Variants in ENTPD5 observed in about 807,000 individuals in gnomAD.
ENTPD5 encodes nucleoside diphosphate phosphatase ENTPD5.
A neutral mutation model predicts 60.2 loss-of-function variants in ENTPD5; 49 were observed. That is an observed-to-expected ratio of 0.81 (90% CI 0.65 to 1.03). The LOEUF (loss-of-function observed/expected upper bound fraction) is 1.03. ENTPD5 is among the 50% of genes least tolerant of loss of function. The probability of loss-of-function intolerance (pLI) is 0.00; values close to 1 mark genes in which losing one functional copy is unlikely to be tolerated. For missense variants in ENTPD5, 480 were observed against 507.6 expected (o/e 0.95, Z 0.52); for synonymous variants, 187 against 185.4 (o/e 1.01, Z -0.07).
Position 73,964,527 on chromosome 14 carries a change from ATG to A in ENTPD5, c.*2399_*2400del, listed in dbSNP as rs1566699538. 1 of 152,198 alleles carries A rather than the reference ATG, an allele frequency of 6.6e-6. No homozygotes were observed. Among genetic ancestry groups the A allele is most frequent in the Non-Finnish European group, 1.5e-5 (1 of 68,038 alleles). The allele number at this position is 152,198 out of a possible 1,614,324, so 9.4% of individuals were successfully genotyped here. On this transcript the variant is annotated 3_prime_UTR_variant, in exon 16 of 16. Transcript: ENST00000334696. ...TGACCAAAGGAGTCTGCTGGACAGT[ATG>A]TGTGTTTTACAAAATGGCCCCCACA...
chr14:73,969,131 T>C (rs868605008), intron 15 of ENTPD5, among the ~76,000 whole-genome samples: 5 of 152,330 alleles, frequency 3.3e-5, no homozygotes, highest in Middle Eastern at 3.4e-3. Flanking sequence ...TGGCCATGTG[T>C]GTGTGCCCCT....
chr14:73,977,095 G>A, intron 7 of ENTPD5, 36 bp from the exon 8 acceptor site: 8 of 1,592,888 alleles, frequency 5.0e-6, no homozygotes, highest in Non-Finnish European at 6.8e-6. Context: ...AGATCCCAGA[G>A]CATTTTTTCT....
chr14:74,016,843 T>A (rs1285050596), intron 1 of ENTPD5, among the ~76,000 whole-genome samples: 2 of 152,210 alleles, frequency 1.3e-5, no homozygotes, highest in Non-Finnish European at 2.9e-5. Flanking sequence ...ATACAGCCTG[T>A]GACAGAAGAT....
In ENTPD5 at chr14:74,002,800, GT is replaced by G. The variant is rs2058551482; in HGVS notation, c.-71+8290del. On this transcript the variant is annotated intron_variant, in intron 3 of 15. Transcript: ENST00000334696. ...TTAATATAAATTAGAGTATGTCTCTGTTTTATGCAAAATCCAGCACTGGCTC... is the reference window on the plus strand; with the variant it reads ...TTAATATAAATTAGAGTATGTCTCTGTTTATGCAAAATCCAGCACTGGCTC... Among the ~76,000 whole-genome samples, 3 of 152,142 alleles carry G rather than the reference GT, an allele frequency of 2.0e-5. No individual in the cohort carries two copies. The South Asian group carries it at 6.2e-4, about 32-fold the overall frequency.
intron 3 of ENTPD5, among the ~76,000 whole-genome samples, chr14:74,009,604 C>CA (rs1337829946): frequency 7.9e-5 from 12 of 151,910 alleles, no homozygotes; most frequent in Non-Finnish European, 1.3e-4. Context: ...TTCTAAATAC[C>CA]AAAAAAACTT....
chr14:73,999,358 T>C (rs930278431), intron 3 of ENTPD5, among the ~76,000 whole-genome samples: 6 of 151,836 alleles, frequency 4.0e-5, no homozygotes, highest in South Asian at 4.2e-4. Context: ...TGTGGTGGCA[T>C]GCGCCTGTAA....
In ENTPD5 at chr14:73,972,870, T is replaced by G. The variant is rs747682297; in HGVS notation, c.1027+14A>C. The G allele has an allele frequency of 1.3e-5, 21 of 1,613,614 alleles. No individual in the cohort carries two copies. In the South Asian group the frequency reaches 1.9e-4, roughly 14 times the overall value. ...CCACCTTCCTCTCTGGACTGACACC[T>G]GGGGTGAACTCACCAATCATGTCTG... On this transcript the variant is annotated intron_variant, in intron 13 of 15. Transcript: ENST00000334696.
chr14:73,970,479 A>G, intron 14 of ENTPD5, among the ~76,000 whole-genome samples: 1 of 152,016 alleles, frequency 6.6e-6, no homozygotes, highest in Non-Finnish European at 1.5e-5. Context: ...GTGACAGAGC[A>G]AGACTCTGTC....
downstream of ENTPD5, chr14:73,958,748 T>C: frequency 4.2e-6 from 6 of 1,441,886 alleles, no homozygotes; most frequent in Non-Finnish European, 5.5e-6. Context: ...GTTTAACTCA[T>C]GGCTGGCACC....
At position 73,976,013 on chromosome 14, in the gene ENTPD5, T is replaced by G. The variant is rs1467807839; in HGVS notation, c.645A>C (p.Lys215Asn). The stretch of plus-strand genomic sequence containing the variant: ...AGCCCCTAGGAGTTTGTTCCAGAGT[T>G]TTCTGCAAATCAGAAAAAGCAAAAA... ...TQITFLPQFEKTLEQTPRGYL... is the reference protein window; with the variant it reads ...TQITFLPQFENTLEQTPRGYL... The change falls in exon 10 of 16, where the codon AAA becomes AAC. Residue 215 changes from lysine to asparagine, a missense_variant and splice_region_variant. Coordinates refer to ENST00000334696, the MANE Select transcript of ENTPD5 (RefSeq NM_001249.5). The G allele has an allele frequency of 6.2e-7, 1 of 1,612,768 alleles. No homozygotes were observed. The highest frequency in any genetic ancestry group is 8.5e-7 in the Non-Finnish European group (1 of 1,179,574).
At chr14:73,991,587 TAAAAAAAAAAAAACAATAACCA>T (rs1566745048) in intron 3 of ENTPD5, among the ~76,000 whole-genome samples, 1 of 60,844 alleles carries the variant, frequency 1.6e-5, no homozygotes, top group Non-Finnish European at 3.0e-5. Context: ...GAATCTGTCT[TAAAAAAAAAAAAACAATAACCA>T]AAAAAAAAAA....
chr14:73,959,458 A>T (rs199880880), downstream of ENTPD5: 1 of 1,614,244 alleles, frequency 6.2e-7, no homozygotes, highest in Non-Finnish European at 8.5e-7. Flanking sequence ...ACGTCCCATG[A>T]ACATGCAGCA....
downstream of ENTPD5, among the ~76,000 whole-genome samples, chr14:73,957,801 A>G (rs1443508058): frequency 3.3e-5 from 5 of 152,186 alleles, no homozygotes; most frequent in Non-Finnish European, 1.5e-5. Context: ...TTTGTAGTCT[A>G]GGATTTGTTT....
chr14:73,966,984 C>T lies in ENTPD5; in HGVS notation c.1231G>A (p.Gly411Ser). ...TGAAAGGTGGCCCCCAAGGCCCAGC[C>T]CGTCTCTATGTTGTTCACTTTCTTT... The part of the protein sequence containing the change: ...LTKKVNNIET[G>S]WALGATFHLL... The change falls in exon 16 of 16, where the codon GGC becomes AGC. Residue 411 changes from glycine to serine, a missense_variant. Physicochemically the swap from Gly to Ser is moderately conservative, Grantham distance 56 (BLOSUM62 0). Transcript: ENST00000334696. 6.2e-7 allele frequency: 1 copy of T among 1,614,180 alleles called. No individual in the cohort carries two copies. Among genetic ancestry groups the T allele is most frequent in the Non-Finnish European group, 8.5e-7 (1 of 1,180,014 alleles).
At position 74,014,765 on chromosome 14, in the gene ENTPD5, A is replaced by G. The variant is rs2058963726; in HGVS notation, c.-131+1059T>C. ...TAGTAGAATTCTATATTTGCAGCAC[A>G]TGCAATAAAAAAGCAGGATGAAAGT... is the stretch of plus-strand genomic sequence containing the variant. On this transcript the variant is annotated intron_variant, in intron 2 of 15. Transcript: ENST00000334696. 2.0e-5 allele frequency among the ~76,000 whole-genome samples: 3 copies of G among 152,172 alleles called. No homozygotes were observed. The South Asian group carries it at 6.2e-4, about 32-fold the overall frequency.
Position 73,987,882 on chromosome 14 carries a change from T to C in ENTPD5, c.217+4A>G. 1.9e-6 allele frequency: 3 copies of C among 1,614,038 alleles called. No individual in the cohort carries two copies. Among genetic ancestry groups the C allele is most frequent in the African/African-American group, 2.7e-5 (2 of 75,062 alleles). On this transcript the variant is annotated splice_donor_region_variant and intron_variant, in intron 4 of 15. Transcript: ENST00000334696. Reference sequence around the variant, plus strand: ...ACTCTACTAAGGGTCCCAGTTGCACTTACCTGGCATTTTCTGCACAAAGGT... The same window carrying C: ...ACTCTACTAAGGGTCCCAGTTGCACCTACCTGGCATTTTCTGCACAAAGGT...
At chr14:73,958,275 T>C (rs766136714), downstream of ENTPD5, 3 of 1,614,058 alleles carry the variant, frequency 1.9e-6, no homozygotes, top group East Asian at 6.7e-5. Context: ...GACCAAATTG[T>C]TGGTAGTTGA....
chr14:73,984,035 T>C (rs1328982505), intron 5 of ENTPD5, among the ~76,000 whole-genome samples: 1 of 151,582 alleles, frequency 6.6e-6, no homozygotes, highest in Non-Finnish European at 1.5e-5. Context: ...ATTATCTTTT[T>C]CTTTTTTTTA....
At chr14:74,005,784 G>A (rs1165748283) in intron 3 of ENTPD5, among the ~76,000 whole-genome samples, 1 of 152,040 alleles carries the variant, frequency 6.6e-6, no homozygotes, top group Non-Finnish European at 1.5e-5. Flanking sequence ...TCCAGCCTGG[G>A]AGACAGAGCA....
Sources: gnomAD v4.1 joint callset for allele counts (sites outside exome capture counted in the v4.1 genomes callset) on GRCh38, gnomAD v4.1.1 for gene constraint, MANE v1.5 for transcripts, NCBI Gene and HGNC (gene_info 2026-07-23, HGNC 2026-07-21) for gene names.